CNTN1: variants seen among roughly 807,000 people sequenced by gnomAD.
The protein encoded by CNTN1 is contactin-1.
Under a neutral mutation model 126.4 loss-of-function variants are expected in CNTN1, and 38 were observed. That is an observed-to-expected ratio of 0.30 (90% confidence interval 0.23 to 0.39). The LOEUF is 0.39. Ranked by LOEUF, CNTN1 falls within the 10% of genes least tolerant of loss-of-function variation. CNTN1 has a pLI of 1.00. For synonymous variants in CNTN1, 413 were observed against 422.6 expected, an observed-to-expected ratio of 0.98 and a Z score of 0.28; for missense variants, 1,009 against 1,248.4, an observed-to-expected ratio of 0.81 and a Z score of 2.89.
intron 1 of CNTN1, among the ~76,000 whole-genome samples, chr12:40,832,971 C>G (rs1941905357): frequency 6.6e-6 from 1 of 152,226 alleles, no homozygotes; most frequent in African/African-American, 2.4e-5. Flanking sequence ...CTCTCTCCCT[C>G]TGCCTCCTGA....
intron 14 of CNTN1, among the ~76,000 whole-genome samples, chr12:40,946,031 G>T (rs7131810): frequency 0.68 from 102,728 of 151,686 alleles, 35,231 homozygotes; most frequent in African/African-American, 0.79. Flanking sequence ...TGTTTAGCAT[G>T]TCATAGATGG....
At chr12:40,977,842 AC>A (rs1947721601) in intron 15 of CNTN1, among the ~76,000 whole-genome samples, 2 of 151,660 alleles carry the variant, frequency 1.3e-5, no homozygotes, top group African/African-American at 4.9e-5. Context: ...TCACTCTGTC[AC>A]CCAGGCTGGA....
At position 40,830,813 on chromosome 12, in the gene CNTN1, A is replaced by G. The variant is rs1223859745; in HGVS notation, c.-76-77544A>G. On this transcript the variant is annotated intron_variant, in intron 1 of 23. Coordinates refer to ENST00000551295, the MANE Select transcript of CNTN1 (RefSeq NM_001843.4). ...AGTGTATATATATATATATATATAT[A>G]TATATATATATATATATATATACTC... 2.4e-5 allele frequency among the ~76,000 whole-genome samples: 3 copies of G among 124,354 alleles called. 1 individual carries two copies. Among genetic ancestry groups the G allele is most frequent in the South Asian group, 2.7e-4 (1 of 3,768 alleles). The allele number at this position is 124,354 out of a possible 152,430, so 81.6% of individuals were successfully genotyped here.
At chr12:40,912,811 G>A (rs1443565907) in intron 3 of CNTN1, among the ~76,000 whole-genome samples, 1 of 152,052 alleles carries the variant, frequency 6.6e-6, no homozygotes. Flanking sequence ...ACATTTTATA[G>A]CAGTCAGTGA....
chr12:40,796,054 CA>C (rs1165170040), intron 1 of CNTN1, among the ~76,000 whole-genome samples: 1 of 152,024 alleles, frequency 6.6e-6, no homozygotes, highest in Non-Finnish European at 1.5e-5. Context: ...CACATCTGCT[CA>C]TGTAATACAA....
chr12:41,025,938 T>C (rs1042340929), intron 21 of CNTN1, among the ~76,000 whole-genome samples: 1 of 152,152 alleles, frequency 6.6e-6, no homozygotes, highest in Non-Finnish European at 1.5e-5. Context: ...TGTAGGACTC[T>C]AGGGAATGTC....
intron 23 of CNTN1, among the ~76,000 whole-genome samples, chr12:41,055,459 T>TA (rs1447669424): frequency 3.9e-5 from 6 of 152,226 alleles, no homozygotes; most frequent in Admixed American, 1.3e-4. Flanking sequence ...CACCTGGAAG[T>TA]ACCCTCCTTT....
chr12:40,709,877 A>C (rs868864675), intron 1 of CNTN1, among the ~76,000 whole-genome samples: 1 of 152,170 alleles, frequency 6.6e-6, no homozygotes, highest in Non-Finnish European at 1.5e-5. Flanking sequence ...AGGCTACTCA[A>C]ACTTTCTCCA....
chr12:41,065,294 A>T (rs889831899), intron 23 of CNTN1, among the ~76,000 whole-genome samples: 1 of 152,232 alleles, frequency 6.6e-6, no homozygotes, highest in South Asian at 2.1e-4. Context: ...TGACCTTGTG[A>T]TCCACCCGCC....
chr12:40,836,220 T>C (rs959858545), intron 1 of CNTN1, among the ~76,000 whole-genome samples: 28 of 148,184 alleles, frequency 1.9e-4, no homozygotes, highest in African/African-American at 6.4e-4. Context: ...ATGTATATAT[T>C]GTATATATGA....
At chr12:40,857,434 C>T (rs12582806) in intron 1 of CNTN1, among the ~76,000 whole-genome samples, 4 of 151,912 alleles carry the variant, frequency 2.6e-5, no homozygotes, top group Non-Finnish European at 5.9e-5. Flanking sequence ...GGTTTGTGGG[C>T]AGTGGAGATG....
intron 1 of CNTN1, among the ~76,000 whole-genome samples, chr12:40,750,106 G>A (rs80123615): frequency 0.019 from 2,942 of 152,172 alleles, 32 homozygotes; most frequent in African/African-American, 0.032. Context: ...TGAGAGGAAT[G>A]GAGACAGTAT....
At chr12:40,827,233 A>G (rs1363080024) in intron 1 of CNTN1, among the ~76,000 whole-genome samples, 2 of 151,922 alleles carry the variant, frequency 1.3e-5, no homozygotes, top group African/African-American at 4.8e-5. Context: ...CTTAAATTCT[A>G]AGAGCAAGAG....
intron 1 of CNTN1, among the ~76,000 whole-genome samples, chr12:40,857,606 C>G (rs1388903091): frequency 6.6e-6 from 1 of 151,992 alleles, no homozygotes; most frequent in Non-Finnish European, 1.5e-5. Context: ...AAGTTGCTTC[C>G]CGTGGAAAAA....
intron 1 of CNTN1, among the ~76,000 whole-genome samples, chr12:40,865,945 C>A (rs1262767705): frequency 1.3e-5 from 2 of 151,990 alleles, no homozygotes; most frequent in Non-Finnish European, 2.9e-5. Context: ...GTCTTCTGAA[C>A]AACGAACATA....
intron 23 of CNTN1, among the ~76,000 whole-genome samples, chr12:41,059,876 C>T (rs915506577): frequency 6.6e-6 from 1 of 151,940 alleles, no homozygotes; most frequent in African/African-American, 2.4e-5. Flanking sequence ...AATATAAAAA[C>T]TTAGCTGGGA....
At chr12:41,028,024 C>CTAG (rs1949071240) in intron 22 of CNTN1, 55 bp downstream of exon 22, 1 of 1,263,614 alleles carries the variant, frequency 7.9e-7, no homozygotes, top group Non-Finnish European at 1.2e-6. Context: ...TCAGTGAAAC[C>CTAG]CAAGATGGGT....
At chr12:40,744,955 T>C (rs997486452) in intron 1 of CNTN1, among the ~76,000 whole-genome samples, 1 of 152,152 alleles carries the variant, frequency 6.6e-6, no homozygotes, top group African/African-American at 2.4e-5. Flanking sequence ...TAAACAAATG[T>C]TTCCTTACAT....
chr12:40,867,631 A>T (rs549560873), intron 1 of CNTN1, among the ~76,000 whole-genome samples: 1 of 152,252 alleles, frequency 6.6e-6, no homozygotes, highest in Non-Finnish European at 1.5e-5. Flanking sequence ...TTGTCAATTT[A>T]AAAATAACTT....
Sources: gnomAD v4.1 joint callset for allele counts (sites outside exome capture counted in the v4.1 genomes callset) on GRCh38, gnomAD v4.1.1 for gene constraint, MANE v1.5 for transcripts, NCBI Gene and HGNC (gene_info 2026-07-23, HGNC 2026-07-21) for gene names.